The following EYA2 variants were observed in gnomAD, a reference collection of about 807,000 sequenced individuals.
EYA2 encodes the protein protein phosphatase EYA2.
Under a neutral mutation model 69.2 loss-of-function variants are expected in EYA2, and 31 were observed. The observed-to-expected ratio is 0.45, with a 90% confidence interval of 0.34 to 0.60. The LOEUF (loss-of-function observed/expected upper bound fraction) is 0.60, where lower values mean the gene tolerates loss of function less well. Among genes scored for constraint, EYA2 ranks in the 20% least tolerant of loss-of-function variants. EYA2 has a pLI of 0.02. For missense variants in EYA2, 622 were observed against 701.2 expected (o/e 0.89, Z 1.28); for synonymous variants, 257 against 279.4 (o/e 0.92, Z 0.80).
intron 15 of EYA2, among the ~76,000 whole-genome samples, chr20:47,186,444 C>G (rs544317474): frequency 7.0e-6 from 1 of 143,624 alleles, no homozygotes; most frequent in South Asian, 2.3e-4. Flanking sequence ...ACTGCATCCT[C>G]TGCCTCCTGT....
At chr20:47,049,874 G>A (rs1303801051) in intron 5 of EYA2, among the ~76,000 whole-genome samples, 16 of 98,972 alleles carry the variant, frequency 1.6e-4, no homozygotes, top group East Asian at 8.2e-4. Context: ...CCCCCCCACC[G>A]CCACCAGTCT....
chr20:47,110,496 A>C (rs1372563756), intron 9 of EYA2, among the ~76,000 whole-genome samples: 1 of 152,130 alleles, frequency 6.6e-6, no homozygotes, highest in African/African-American at 2.4e-5. Flanking sequence ...TGCTGTGATT[A>C]CAGGCGTGAG....
intron 1 of EYA2, among the ~76,000 whole-genome samples, chr20:46,951,118 G>GAA (rs1299841693): frequency 9.9e-5 from 15 of 152,136 alleles, no homozygotes; most frequent in Admixed American, 9.2e-4. Flanking sequence ...TTGCCGAAGG[G>GAA]ATTTAGGCAA....
rs564595931 is a variant in EYA2 at position 46,934,157 on chromosome 20, T to C, written c.-11+39170T>C. On this transcript the variant is annotated intron_variant, in intron 1 of 15. Transcript: ENST00000327619. ...TTTATGAGAGCATTTTGGGTGGCAA[T>C]TGGCAGAAATGTCAAAGCCGTTGAA... 3.8e-4 allele frequency among the ~76,000 whole-genome samples: 58 copies of C among 152,282 alleles called. No individual in the cohort carries two copies. In the Middle Eastern group the frequency reaches 0.017, roughly 45 times the overall value.
At chr20:46,968,786 C>T (rs1407677911) in intron 1 of EYA2, among the ~76,000 whole-genome samples, 1 of 152,034 alleles carries the variant, frequency 6.6e-6, no homozygotes, top group East Asian at 1.9e-4. Flanking sequence ...CCCCGCCGCG[C>T]CCCCCACCGA....
At chr20:47,025,880 G>T (rs1162362676) in intron 5 of EYA2, among the ~76,000 whole-genome samples, 2 of 152,166 alleles carry the variant, frequency 1.3e-5, no homozygotes, top group African/African-American at 4.8e-5. Flanking sequence ...TGAAGAAATG[G>T]TGTCTCAGGG....
intron 8 of EYA2, among the ~76,000 whole-genome samples, chr20:47,093,101 A>G (rs138147104): frequency 3.3e-5 from 5 of 152,284 alleles, no homozygotes; most frequent in African/African-American, 9.6e-5. Context: ...TTCTCTTCCC[A>G]TTTGCCACAG....
intron 2 of EYA2, among the ~76,000 whole-genome samples, chr20:47,000,661 C>T (rs1473366136): frequency 2.0e-5 from 3 of 152,078 alleles, no homozygotes; most frequent in Non-Finnish European, 4.4e-5. Flanking sequence ...ACGTCTCTCC[C>T]AGCTTAACTC....
chr20:47,065,883 A>C (rs944150271), intron 5 of EYA2, among the ~76,000 whole-genome samples: 2 of 152,158 alleles, frequency 1.3e-5, no homozygotes, highest in African/African-American at 4.8e-5. Context: ...GTATCTGTTC[A>C]TTTGATTGTT....
intron 10 of EYA2, among the ~76,000 whole-genome samples, chr20:47,145,282 T>G (rs1289855132): frequency 6.6e-6 from 1 of 152,006 alleles, no homozygotes; most frequent in Non-Finnish European, 1.5e-5. Flanking sequence ...CAGTAGCACT[T>G]GAACCAAAGG....
intron 15 of EYA2, among the ~76,000 whole-genome samples, chr20:47,184,546 A>G (rs2034599738): frequency 6.6e-6 from 1 of 150,874 alleles, no homozygotes; most frequent in Non-Finnish European, 1.5e-5. Flanking sequence ...ACCTCTAAGT[A>G]GCTGGAGCTA....
intron 1 of EYA2, among the ~76,000 whole-genome samples, chr20:46,973,382 G>A (rs1279725152): frequency 6.6e-6 from 1 of 152,186 alleles, no homozygotes; most frequent in Non-Finnish European, 1.5e-5. Context: ...GATACAATAA[G>A]CAAATCTACT....
intron 5 of EYA2, among the ~76,000 whole-genome samples, chr20:47,059,090 G>A (rs2146449801): frequency 6.6e-6 from 1 of 152,292 alleles, no homozygotes; most frequent in Admixed American, 6.5e-5. Context: ...ATAAATAACA[G>A]GAGGGGTCTT....
intron 1 of EYA2, among the ~76,000 whole-genome samples, chr20:46,954,595 A>G (rs1979004675): frequency 6.6e-6 from 1 of 152,236 alleles, no homozygotes; most frequent in Non-Finnish European, 1.5e-5. Flanking sequence ...CACAAATACC[A>G]TGCCGATGAG....
At chr20:46,987,960 CTCTCTATATATATATATA>C (rs1403183405) in intron 1 of EYA2, among the ~76,000 whole-genome samples, 2 of 24,096 alleles carry the variant, frequency 8.3e-5, no homozygotes, top group African/African-American at 3.5e-4. Context: ...CTCTCTCTCT[CTCTCTATATATATATATA>C]TATATATATA....
At chr20:46,987,347 A>G (rs2146322838) in intron 1 of EYA2, among the ~76,000 whole-genome samples, 1 of 152,342 alleles carries the variant, frequency 6.6e-6, no homozygotes, top group African/African-American at 2.4e-5. Context: ...ACCATTTAAA[A>G]ATGTGAAAGC....
At chr20:47,117,469 T>C (rs1600721293) in intron 9 of EYA2, 1 of 985,306 alleles carries the variant, frequency 1.0e-6, no homozygotes, top group Non-Finnish European at 1.2e-6. Flanking sequence ...GACCGGCTCC[T>C]CTGCCCTCTC....
intron 3 of EYA2, 94 bp downstream of exon 3, chr20:47,001,567 C>T: frequency 7.6e-7 from 1 of 1,313,402 alleles, no homozygotes; most frequent in Non-Finnish European, 1.1e-6. Flanking sequence ...GAGCCAGATT[C>T]CCTGGATAGG....
intron 9 of EYA2, among the ~76,000 whole-genome samples, chr20:47,100,756 G>A (rs559495429): frequency 1.3e-5 from 2 of 152,328 alleles, no homozygotes; most frequent in African/African-American, 4.8e-5. Context: ...CTCTCGCTAA[G>A]GTGAGGAATG....
Sources: allele counts gnomAD v4.1 joint callset (sites outside exome capture counted in the v4.1 genomes callset), GRCh38; gene constraint gnomAD v4.1.1; transcripts MANE v1.5; gene names NCBI Gene and HGNC (gene_info 2026-07-23, HGNC 2026-07-21).